Variants in VPS41 observed in about 807,000 individuals in gnomAD.
The protein encoded by VPS41 is VPS41 subunit of HOPS complex.
In VPS41, 85 loss-of-function variants were observed where a neutral mutation model predicts 130.9. The ratio of observed to expected loss-of-function variants is 0.65; its 90% CI spans 0.55 to 0.78. The LOEUF (loss-of-function observed/expected upper bound fraction) is 0.78. Among genes scored for constraint, VPS41 ranks in the 30% least tolerant of loss-of-function variants. VPS41 has a pLI of 0.00. For synonymous variants in VPS41, 335 were observed against 332.9 expected (o/e 1.01, Z -0.07); for missense variants, 874 against 1,018.7 (o/e 0.86, Z 1.93).
chr7:38,860,665 T>C (rs897342516), intron 4 of VPS41, among the ~76,000 whole-genome samples: 4 of 151,738 alleles, frequency 2.6e-5, no homozygotes, highest in Non-Finnish European at 5.9e-5. Context: ...AGTTAGAGGC[T>C]ATTAGGAATT....
At chr7:38,830,696 G>T (rs1785369949) in intron 4 of VPS41, among the ~76,000 whole-genome samples, 1 of 152,176 alleles carries the variant, frequency 6.6e-6, no homozygotes, top group Non-Finnish European at 1.5e-5. Context: ...CCCACTGATT[G>T]ATGCTATGGA....
At chr7:38,791,849 G>T (rs568972278) in intron 9 of VPS41, among the ~76,000 whole-genome samples, 133 of 152,246 alleles carry the variant, frequency 8.7e-4, no homozygotes, top group Middle Eastern at 6.8e-3. Context: ...ATAGGTTTAG[G>T]GGGGGTAAAA....
intron 7 of VPS41, among the ~76,000 whole-genome samples, chr7:38,810,160 G>A (rs1160330841): frequency 6.6e-6 from 1 of 150,738 alleles, no homozygotes; most frequent in Non-Finnish European, 1.5e-5. Context: ...TTATGCTCAT[G>A]TGTCAAGCAC....
At chr7:38,772,668 G>T in intron 12 of VPS41, 31 bp from the exon 13 acceptor site, 1 of 1,499,886 alleles carries the variant, frequency 6.7e-7, no homozygotes, top group Non-Finnish European at 9.3e-7. Context: ...GAACGACTTG[G>T]TGACTGAACA....
intron 2 of VPS41, among the ~76,000 whole-genome samples, chr7:38,871,788 G>A (rs1276548743): frequency 6.6e-6 from 1 of 152,126 alleles, no homozygotes; most frequent in Non-Finnish European, 1.5e-5. Context: ...AGCTATTGTT[G>A]TGTAACAAAT....
At chr7:38,890,897 G>A (rs1301053600) in intron 2 of VPS41, among the ~76,000 whole-genome samples, 1 of 151,940 alleles carries the variant, frequency 6.6e-6, no homozygotes, top group Non-Finnish European at 1.5e-5. Flanking sequence ...TGTTGCCCCA[G>A]CTGGTCTCAA....
chr7:38,827,633 A>T (rs889316808), intron 5 of VPS41, among the ~76,000 whole-genome samples: 7 of 152,182 alleles, frequency 4.6e-5, no homozygotes, highest in Non-Finnish European at 1.0e-4. Context: ...AGGCACTGCC[A>T]GGCCAGCAAC....
At chr7:38,856,255 C>T (rs756530295) in intron 4 of VPS41, among the ~76,000 whole-genome samples, 1 of 152,140 alleles carries the variant, frequency 6.6e-6, no homozygotes, top group African/African-American at 2.4e-5. Context: ...AACTCCTGGG[C>T]TCAAGTGACC....
Position 38,754,778 on chromosome 7 carries a change from G to A in VPS41, c.1738-26C>T, listed in dbSNP as rs780824789. 4 of 1,606,608 alleles carry A rather than the reference G, an allele frequency of 2.5e-6. No individual in the cohort carries two copies. The Admixed American group carries it at 5.0e-5, about 20-fold the overall frequency. ...CTAGATAAAAAAGAAAAGTTTCAAG[G>A]TGGAGTCATGAGGACAGAAAGACAG... On this transcript the variant is annotated intron_variant, in intron 20 of 28. Transcript: ENST00000310301.
Position 38,869,022 on chromosome 7 carries a change from G to C in VPS41, c.168+124C>G, listed in dbSNP as rs77778353. The C allele has an allele frequency of 6.0e-3, 4,074 of 683,438 alleles. 129 individuals carry two copies. In the African/African-American group the frequency reaches 0.065, roughly 11 times the overall value. The allele number at this position is 683,438 out of a possible 1,614,324, so 42.3% of individuals were successfully genotyped here. A position where few individuals can be genotyped will look rare whatever the true frequency, so the allele number is the denominator to read the frequency against. ...GGTTTTTTGTTGGCAAGGAGGAAGAGAGCAGTGGCAAGGAGACAGAATCAC... is the reference window on the plus strand; with the variant it reads ...GGTTTTTTGTTGGCAAGGAGGAAGACAGCAGTGGCAAGGAGACAGAATCAC... On this transcript the variant is annotated intron_variant, in intron 3 of 28. Coordinates refer to ENST00000310301, the MANE Select transcript of VPS41 (RefSeq NM_014396.4).
intron 2 of VPS41, among the ~76,000 whole-genome samples, chr7:38,881,681 C>T (rs553945481): frequency 6.6e-6 from 1 of 152,246 alleles, no homozygotes; most frequent in East Asian, 1.9e-4. Flanking sequence ...AAACAATTCT[C>T]CGGTTGAGTC....
chr7:38,759,430 C>A (rs958946232), intron 17 of VPS41, among the ~76,000 whole-genome samples: 3 of 152,052 alleles, frequency 2.0e-5, no homozygotes, highest in South Asian at 4.2e-4. Context: ...TTAAACCATC[C>A]CTAAAAGTAT....
chr7:38,822,541 G>A (rs886112601), intron 5 of VPS41, among the ~76,000 whole-genome samples: 9 of 152,330 alleles, frequency 5.9e-5, no homozygotes, highest in Middle Eastern at 6.8e-3. Context: ...ATTATTTCAT[G>A]TATGAATATA....
rs563511330 is a variant in VPS41, at chr7:38,799,035, C to T, written c.451-2171G>A. Among the ~76,000 whole-genome samples, 4 of 152,140 alleles carry T rather than the reference C, an allele frequency of 2.6e-5. No individual in the cohort carries two copies. The South Asian group carries it at 6.3e-4, about 24-fold the overall frequency. ...ATGGGGCAGGAACGAAGGGGAGTGG[C>T]CAGTCTTACTCTGAAACACAAAGGG... On this transcript the variant is annotated intron_variant, in intron 7 of 28. Coordinates refer to ENST00000310301, the MANE Select transcript of VPS41 (RefSeq NM_014396.4).
chr7:38,758,270 C>G, intron 18 of VPS41, 84 bp downstream of exon 18: 1 of 1,280,354 alleles, frequency 7.8e-7, no homozygotes, highest in Non-Finnish European at 1.1e-6. Context: ...TACATCTTCT[C>G]CACTTGGAGT....
intron 10 of VPS41, among the ~76,000 whole-genome samples, chr7:38,788,991 C>T (rs180800850): frequency 1.9e-4 from 29 of 152,258 alleles, no homozygotes; most frequent in Middle Eastern, 3.4e-3. Flanking sequence ...AGCAAATGGG[C>T]AAATGAACTT....
chr7:38,883,105 T>C (rs1441322146), intron 2 of VPS41, among the ~76,000 whole-genome samples: 3 of 152,176 alleles, frequency 2.0e-5, no homozygotes, highest in Non-Finnish European at 4.4e-5. Flanking sequence ...TAGCTAGGCA[T>C]GGTGGCATGC....
At chr7:38,729,411 G>GGTGT (rs35778384) in intron 25 of VPS41, among the ~76,000 whole-genome samples, 3 of 151,004 alleles carry the variant, frequency 2.0e-5, no homozygotes, top group African/African-American at 4.9e-5. Context: ...CTATGAATGT[G>GGTGT]GTGTGTGTGT....
intron 7 of VPS41, among the ~76,000 whole-genome samples, chr7:38,797,915 TAC>T (rs963552259): frequency 6.6e-6 from 1 of 152,154 alleles, no homozygotes; most frequent in Non-Finnish European, 1.5e-5. Flanking sequence ...GTAAGCAAAG[TAC>T]AGTTACTTTA....
Sources: gnomAD v4.1 joint callset for allele counts (sites outside exome capture counted in the v4.1 genomes callset) on GRCh38, gnomAD v4.1.1 for gene constraint, MANE v1.5 for transcripts, NCBI Gene and HGNC (gene_info 2026-07-23, HGNC 2026-07-21) for gene names.